Variants in KIF5C observed in about 807,000 individuals in gnomAD.
The protein encoded by KIF5C is kinesin heavy chain isoform 5C.
Under a neutral mutation model 125.2 loss-of-function variants are expected in KIF5C, and 18 were observed. The ratio of observed to expected loss-of-function variants is 0.14; its 90% confidence interval spans 0.10 to 0.21. The LOEUF (loss-of-function observed/expected upper bound fraction) is 0.21, where lower values mean the gene tolerates loss of function less well. KIF5C is among the 10% of genes least tolerant of loss of function. The pLI is 1.00. For synonymous variants in KIF5C, 405 were observed against 434.0 expected (o/e 0.93, Z 0.83); for missense variants, 780 against 1,183.8 (o/e 0.66, Z 5.01).
At chr2:149,002,437 C>T (rs962417639) in intron 21 of KIF5C, among the ~76,000 whole-genome samples, 11 of 152,180 alleles carry the variant, frequency 7.2e-5, no homozygotes, top group East Asian at 3.9e-4. Context: ...CATGCCTCTG[C>T]GCAGCCGCAC....
In KIF5C at chr2:148,924,323, C is replaced by T. The variant is rs1427570982; in HGVS notation, c.217+2096C>T. Among the ~76,000 whole-genome samples the T allele has an allele frequency of 6.6e-6, 1 of 151,952 alleles. No individual in the cohort carries two copies. Among genetic ancestry groups the T allele is most frequent in the Non-Finnish European group, 1.5e-5 (1 of 67,998 alleles). The stretch of plus-strand genomic sequence containing the variant: ...GCTAATAATTAAATCAGATGATTTC[C>T]GAAGAGCACCATAGTCCCCGTGATT... On this transcript the variant is annotated intron_variant, in intron 2 of 25. Transcript: ENST00000435030. This position sits in a 1 kb window ranked among gnomAD's most constrained non-coding sequence, Gnocchi z 4.0.
intron 15 of KIF5C, among the ~76,000 whole-genome samples, chr2:148,985,294 A>G (rs1212354970): frequency 1.3e-5 from 2 of 152,340 alleles, no homozygotes; most frequent in Middle Eastern, 3.4e-3. Flanking sequence ...AGACATTTTT[A>G]AAACAAAACA....
chr2:148,983,775 G>A lies in KIF5C; in HGVS notation c.1716+9G>A, dbSNP rs1681300053. 6.3e-7 allele frequency: 1 copy of A among 1,592,564 alleles called. No individual in the cohort carries two copies. The highest frequency in any genetic ancestry group is 8.6e-7 in the Non-Finnish European group (1 of 1,167,966). On this transcript the variant is annotated intron_variant, in intron 15 of 25. Transcript: ENST00000435030. ...CCAATGATGTGAAAACTGTAAGCCAGCCCTTCTTTTATCCTCTCTACCTGC... is the reference window on the plus strand; with the variant it reads ...CCAATGATGTGAAAACTGTAAGCCAACCCTTCTTTTATCCTCTCTACCTGC...
At chr2:149,018,325 A>G (rs553844539) in intron 25 of KIF5C, among the ~76,000 whole-genome samples, 2 of 152,140 alleles carry the variant, frequency 1.3e-5, no homozygotes, top group Non-Finnish European at 2.9e-5. Flanking sequence ...ATACATGAAG[A>G]TTAGCCTAGT....
chr2:148,933,181 C>T (rs1210701799), intron 3 of KIF5C, among the ~76,000 whole-genome samples: 1 of 152,068 alleles, frequency 6.6e-6, no homozygotes, highest in Non-Finnish European at 1.5e-5. Context: ...CTCTACCCAT[C>T]CCTAAACTTA....
At chr2:148,907,635 C>T (rs887286542) in intron 1 of KIF5C, among the ~76,000 whole-genome samples, 1 of 152,220 alleles carries the variant, frequency 6.6e-6, no homozygotes, top group African/African-American at 2.4e-5. Context: ...CCTAGTGCTT[C>T]CTGACCTGAA....
chr2:148,897,031 C>T (rs1680701160), intron 1 of KIF5C, among the ~76,000 whole-genome samples: 1 of 152,114 alleles, frequency 6.6e-6, no homozygotes, highest in Admixed American at 6.5e-5. Flanking sequence ...TGGGGTTTCA[C>T]GATGTTGGCC....
chr2:149,022,873 G>A (rs986544522), intron 25 of KIF5C, among the ~76,000 whole-genome samples: 1 of 152,086 alleles, frequency 6.6e-6, no homozygotes, highest in African/African-American at 2.4e-5. Flanking sequence ...GCAGTGAGTC[G>A]ATATCGCGCC....
intron 24 of KIF5C, among the ~76,000 whole-genome samples, chr2:149,011,165 G>A (rs1393251160): frequency 6.6e-6 from 1 of 152,112 alleles, no homozygotes; most frequent in Non-Finnish European, 1.5e-5. Flanking sequence ...CATACCCTTT[G>A]AGAATCTATT....
intron 1 of KIF5C, among the ~76,000 whole-genome samples, chr2:148,898,424 G>A (rs1368637237): frequency 6.6e-6 from 1 of 152,160 alleles, no homozygotes; most frequent in Admixed American, 6.5e-5. Flanking sequence ...CCCAGAACCC[G>A]AATATGTTAT....
intron 12 of KIF5C, among the ~76,000 whole-genome samples, chr2:148,975,759 G>A (rs1410838358): frequency 1.3e-5 from 2 of 152,212 alleles, no homozygotes; most frequent in South Asian, 2.1e-4. Flanking sequence ...ACTGAGACCT[G>A]GGCAGACCTG....
intron 10 of KIF5C, among the ~76,000 whole-genome samples, chr2:148,960,501 A>G (rs546969429): frequency 1.4e-4 from 21 of 152,340 alleles, no homozygotes; most frequent in African/African-American, 4.6e-4. Flanking sequence ...TTAAAGTAGT[A>G]ATAAAATTGC....
intron 20 of KIF5C, 76 bp from the exon 21 acceptor site, chr2:149,000,646 A>T: frequency 6.3e-7 from 1 of 1,593,884 alleles, no homozygotes; most frequent in Non-Finnish European, 8.6e-7. Context: ...TTGTTGATTT[A>T]TCTGTGGATG....
At chr2:149,009,748 T>C (rs1682126117) in intron 23 of KIF5C, among the ~76,000 whole-genome samples, 1 of 152,210 alleles carries the variant, frequency 6.6e-6, no homozygotes, top group South Asian at 2.1e-4. Context: ...CACTGAGTCC[T>C]TTCAAACCGA....
At chr2:148,971,270 G>T (rs1680894379) in intron 11 of KIF5C, among the ~76,000 whole-genome samples, 2 of 109,144 alleles carry the variant, frequency 1.8e-5, no homozygotes. Flanking sequence ...TAGAAAATCT[G>T]TCTGTCTGTC....
chr2:149,016,640 A>C (rs577787225), intron 25 of KIF5C, among the ~76,000 whole-genome samples: 3 of 152,200 alleles, frequency 2.0e-5, no homozygotes, highest in Non-Finnish European at 4.4e-5. Context: ...CTTGGTTTCC[A>C]TCATGTTGCT....
rs546811748 is a variant in KIF5C, at chr2:148,882,276, C to T, written c.126+6533C>T. Among the ~76,000 whole-genome samples the T allele has an allele frequency of 9.9e-5, 15 of 152,226 alleles. No individual in the cohort carries two copies. In the South Asian group the frequency reaches 1.0e-3, roughly 11 times the overall value. ...CACGCTGAGTTCCAGTTTTCTCACC[C>T]GTAAAATAGAGATAACAACACTCTC... is the stretch of plus-strand genomic sequence containing the variant. On this transcript the variant is annotated intron_variant, in intron 1 of 25. Transcript: ENST00000435030.
rs531213829 is a variant in KIF5C at position 148,881,500 on chromosome 2, G to GT, written c.126+5765dup. ...CTTAGTAAATGTATCTTGACTGAAGGTTTTTTTTCCCCCTTTCCCTGCCTG... is the reference window on the plus strand; with the variant it reads ...CTTAGTAAATGTATCTTGACTGAAGGTTTTTTTTTCCCCCTTTCCCTGCCTG... On this transcript the variant is annotated intron_variant, in intron 1 of 25. Transcript: ENST00000435030. Among the ~76,000 whole-genome samples, 104 of 151,624 alleles carry GT rather than the reference G, an allele frequency of 6.9e-4. 1 individual carries two copies. Among genetic ancestry groups the GT allele is most frequent in the African/African-American group, 2.3e-3 (97 of 41,326 alleles).
chr2:149,006,919 G>A (rs1356691159), intron 22 of KIF5C, among the ~76,000 whole-genome samples: 1 of 152,116 alleles, frequency 6.6e-6, no homozygotes, highest in East Asian at 1.9e-4. Flanking sequence ...GGGAGGCTGT[G>A]GTCCTAGGGA....
Sources: gnomAD v4.1 joint callset for allele counts (sites outside exome capture counted in the v4.1 genomes callset) on GRCh38, gnomAD v4.1.1 for gene constraint, Gnocchi (gnomAD v3.1) non-coding constraint, MANE v1.5 for transcripts, NCBI Gene and HGNC (gene_info 2026-07-23, HGNC 2026-07-21) for gene names.